Variants in ABCA12 observed in about 807,000 individuals in gnomAD.
ABCA12 encodes the protein ATP binding cassette subfamily A member 12, also known as glucosylceramide transporter ABCA12.
Under a neutral mutation model 293.5 loss-of-function variants are expected in ABCA12, and 156 were observed. The ratio of observed to expected loss-of-function variants is 0.53; its 90% confidence interval spans 0.47 to 0.61. ABCA12 has a LOEUF of 0.61. ABCA12 is among the 20% of genes least tolerant of loss of function. ABCA12 has a pLI of 0.00. For synonymous variants in ABCA12, 1,063 were observed against 1,108.0 expected, an observed-to-expected ratio of 0.96 and a Z score of 0.81; for missense variants, 2,797 against 3,090.2, an observed-to-expected ratio of 0.91 and a Z score of 2.25.
At chr2:215,022,817 A>G (rs910216881) in intron 11 of ABCA12, 3 of 152,170 alleles carry the variant, frequency 2.0e-5, no homozygotes, top group Non-Finnish European at 4.4e-5. Flanking sequence ...AAATAGAGGG[A>G]AAAATGAGTC....
intron 48 of ABCA12, 136 bp from the exon 49 acceptor site, chr2:214,945,240 A>G (rs554038695): frequency 3.4e-5 from 24 of 698,824 alleles, no homozygotes; most frequent in Non-Finnish European, 5.4e-5. Flanking sequence ...TTTATACTTA[A>G]TAGACTTCTT....
At chr2:215,109,576 A>G (rs1334193335) in intron 2 of ABCA12, among the ~76,000 whole-genome samples, 1 of 152,230 alleles carries the variant, frequency 6.6e-6, no homozygotes, top group Admixed American at 6.5e-5. Flanking sequence ...GAGTATGATA[A>G]TAGGTCCATA....
At chr2:214,989,284 A>T in intron 26 of ABCA12, 45 bp downstream of exon 26, 1 of 1,599,952 alleles carries the variant, frequency 6.3e-7, no homozygotes, top group Non-Finnish European at 8.5e-7. Flanking sequence ...ATTTATATTG[A>T]AGTCAACCAT....
chr2:215,095,202 A>G (rs1229133274), intron 2 of ABCA12, among the ~76,000 whole-genome samples: 4 of 152,186 alleles, frequency 2.6e-5, no homozygotes, highest in African/African-American at 9.6e-5. Flanking sequence ...TACCTAAATC[A>G]ATCTGGCCTA....
chr2:215,045,420 G>T (rs1701182327), intron 7 of ABCA12, among the ~76,000 whole-genome samples: 1 of 152,116 alleles, frequency 6.6e-6, no homozygotes, highest in South Asian at 2.1e-4. Context: ...TACCAATATG[G>T]TTGTTTTATG....
In ABCA12 at chr2:215,039,603, A is replaced by C. The variant is rs536118525; in HGVS notation, c.873-2538T>G. On this transcript the variant is annotated intron_variant, in intron 7 of 52. Coordinates refer to ENST00000272895, the MANE Select transcript of ABCA12 (RefSeq NM_173076.3). ...ACACCGTCTCTACTAAAAATACAAA[A>C]AATTAGCCAGGCGTGGTGGCGGGCG... Among the ~76,000 whole-genome samples the C allele has an allele frequency of 6.3e-4, 96 of 152,130 alleles. 1 individual carries two copies. The highest frequency in any genetic ancestry group is 6.8e-4 in the Non-Finnish European group (46 of 67,998).
intron 2 of ABCA12, chr2:215,075,565 A>T: frequency 1.4e-6 from 1 of 700,414 alleles, no homozygotes. Context: ...TGCAGGAAAA[A>T]AAAAAAATCT....
rs565585543 is a variant in ABCA12, at chr2:215,024,147, A to G, written c.1287+1526T>C. Among the ~76,000 whole-genome samples the G allele has an allele frequency of 5.3e-5, 8 of 152,276 alleles. No individual in the cohort carries two copies. In the South Asian group the frequency reaches 1.7e-3, roughly 32 times the overall value. On this transcript the variant is annotated intron_variant, in intron 11 of 52. Coordinates refer to ENST00000272895, the MANE Select transcript of ABCA12 (RefSeq NM_173076.3). ...GCCTTCAAAACTCAGAGAAAGCATT[A>G]TTTTCTCTACAGAATTTCTTCTCTC...
chr2:215,135,312 T>A (rs895829182), intron 1 of ABCA12, among the ~76,000 whole-genome samples: 3 of 152,238 alleles, frequency 2.0e-5, no homozygotes, highest in Non-Finnish European at 4.4e-5. Context: ...CAATCTACCT[T>A]AATATTTTTA....
At position 215,090,451 on chromosome 2, in the gene ABCA12, C is replaced by T. The variant is rs578146259; in HGVS notation, c.163+21146G>A. 1.6e-4 allele frequency among the ~76,000 whole-genome samples: 24 copies of T among 152,274 alleles called. 1 individual carries two copies. The South Asian group carries it at 4.1e-3, about 26-fold the overall frequency. ...TCTCCCCAATTTTAAATCAGTTAAG[C>T]GGCTTCTTTTTATTCTCTTCTCTAA... On this transcript the variant is annotated intron_variant, in intron 2 of 52. Coordinates refer to ENST00000272895, the MANE Select transcript of ABCA12 (RefSeq NM_173076.3).
intron 2 of ABCA12, among the ~76,000 whole-genome samples, chr2:215,068,182 C>T (rs553208625): frequency 6.6e-6 from 1 of 152,248 alleles, no homozygotes; most frequent in African/African-American, 2.4e-5. Flanking sequence ...AATTTCAGAT[C>T]CCACCCCAGA....
intron 23 of ABCA12, among the ~76,000 whole-genome samples, chr2:214,992,654 G>T (rs1171946501): frequency 6.6e-6 from 1 of 150,620 alleles, no homozygotes; most frequent in African/African-American, 2.4e-5. Flanking sequence ...CTGAGGTCAG[G>T]AGTTCCACAC....
chr2:215,066,591 A>T (rs954751697), intron 2 of ABCA12, among the ~76,000 whole-genome samples: 1 of 151,800 alleles, frequency 6.6e-6, no homozygotes, highest in African/African-American at 2.4e-5. Context: ...ATATCTACAG[A>T]GGACAAACCT....
At chr2:215,102,538 G>A (rs1313175955) in intron 2 of ABCA12, among the ~76,000 whole-genome samples, 1 of 152,218 alleles carries the variant, frequency 6.6e-6, no homozygotes, top group Non-Finnish European at 1.5e-5. Context: ...GGCGGAGGTT[G>A]TGGTGAGCTG....
intron 9 of ABCA12, chr2:215,029,399 C>G (rs910489582): frequency 2.0e-5 from 3 of 152,148 alleles, no homozygotes; most frequent in Non-Finnish European, 1.5e-5. Flanking sequence ...TTCTCCCTTC[C>G]TCTCCTCACC....
intron 29 of ABCA12, 150 bp downstream of exon 29, chr2:214,983,497 T>C (rs1047892585): frequency 3.9e-6 from 3 of 774,234 alleles, no homozygotes; most frequent in Non-Finnish European, 6.7e-6. Flanking sequence ...ACCTTAAATG[T>C]TTGCAATATT....
chr2:215,018,096 A>G lies in ABCA12; in HGVS notation c.1694T>C (p.Leu565Pro), dbSNP rs756445658. The G allele has an allele frequency of 3.1e-6, 5 of 1,613,924 alleles. No homozygotes were observed. The highest frequency in any genetic ancestry group is 4.2e-6 in the Non-Finnish European group (5 of 1,179,950). Residue 565 changes from leucine to proline, a missense_variant, in exon 14 of 53, where the codon CTG (leucine) becomes CCG (proline). Around this residue, in one of 3 missense-constraint regions of ABCA12, gnomAD observed 656 missense variants for 638.2 expected, o/e 1.03. Transcript: ENST00000272895. ...TGTTGTTCTCCTTAAATCTTCTTTC[A>G]GCTCTTCAACATTTTTAAACATTTC... Reference protein sequence around the residue: ...LLEMFKNVEELKEDLRRTTGM... With the variant: ...LLEMFKNVEEPKEDLRRTTGM...
At chr2:215,110,054 T>G (rs944306947) in intron 2 of ABCA12, among the ~76,000 whole-genome samples, 1 of 152,206 alleles carries the variant, frequency 6.6e-6, no homozygotes, top group Non-Finnish European at 1.5e-5. Flanking sequence ...CTACTTAAGA[T>G]ATGAACAAAC....
chr2:214,986,775 T>C, intron 27 of ABCA12, 47 bp from the exon 28 acceptor site: 1 of 1,531,858 alleles, frequency 6.5e-7, no homozygotes, highest in Non-Finnish European at 9.0e-7. Flanking sequence ...AGTAAGGTAA[T>C]GCAGCTAGAG....
Sources: gnomAD v4.1 joint callset for allele counts (sites outside exome capture counted in the v4.1 genomes callset) on GRCh38, gnomAD v4.1.1 for gene constraint, gnomAD v4.1.1 regional missense constraint, MANE v1.5 for transcripts, NCBI Gene and HGNC (gene_info 2026-07-23, HGNC 2026-07-21) for gene names.